TMEM132D: variants seen among roughly 807,000 people sequenced by gnomAD.
The protein encoded by TMEM132D is mature OL transmembrane protein.
TMEM132D carries 21 observed loss-of-function variants against 62.3 expected under a neutral mutation model. The observed-to-expected ratio is 0.34, with a 90% CI of 0.24 to 0.49. The LOEUF (loss-of-function observed/expected upper bound fraction) is 0.49, where lower values mean the gene tolerates loss of function less well. Among genes scored for constraint, TMEM132D ranks in the 20% least tolerant of loss-of-function variants. The pLI is 0.99. For missense variants in TMEM132D, 1,346 were observed against 1,402.8 expected (o/e 0.96, Z 0.65); for synonymous variants, 621 against 575.6 (o/e 1.08, Z -1.13).
At chr12:129,629,685 TACAA>T (rs892998509) in intron 2 of TMEM132D, among the ~76,000 whole-genome samples, 6 of 151,932 alleles carry the variant, frequency 3.9e-5, no homozygotes, top group African/African-American at 1.5e-4. Flanking sequence ...AAAAAAACTA[TACAA>T]ACAAACACCA....
intron 2 of TMEM132D, among the ~76,000 whole-genome samples, chr12:129,637,478 G>A (rs142528210): frequency 2.2e-3 from 332 of 152,168 alleles, no homozygotes; most frequent in Non-Finnish European, 3.6e-3. Context: ...ATCCCCCTTG[G>A]TCCTGTGTAG....
intron 3 of TMEM132D, among the ~76,000 whole-genome samples, chr12:129,388,074 T>C (rs1434696337): frequency 1.6e-5 from 2 of 122,086 alleles, no homozygotes; most frequent in South Asian, 2.8e-4. Flanking sequence ...AGTCCTAATA[T>C]AGACACTAAC....
chr12:129,277,694 T>A lies in TMEM132D; in HGVS notation c.1299+59940A>T, dbSNP rs957346359. 2.6e-5 allele frequency among the ~76,000 whole-genome samples: 4 copies of A among 152,292 alleles called. No homozygotes were observed. Among genetic ancestry groups the A allele is most frequent in the Admixed American group, 6.5e-5 (1 of 15,302 alleles). On this transcript the variant is annotated intron_variant, in intron 4 of 8. Coordinates refer to ENST00000422113, the MANE Select transcript of TMEM132D (RefSeq NM_133448.3). The surrounding 1 kb of genome is among the most constrained non-coding windows in gnomAD (Gnocchi z 4.2). ...AATTTTTTAAATTGCCCGTATTGTGTTTTTCTTATCAGAATCATATCATAT... is the reference window on the plus strand; with the variant it reads ...AATTTTTTAAATTGCCCGTATTGTGATTTTCTTATCAGAATCATATCATAT...
intron 3 of TMEM132D, among the ~76,000 whole-genome samples, chr12:129,408,462 A>G (rs1337351626): frequency 6.7e-6 from 1 of 149,672 alleles, no homozygotes; most frequent in East Asian, 1.9e-4. Flanking sequence ...TTATCATTTC[A>G]GAATAGGAAA....
At chr12:129,229,288 G>C (rs538092862) in intron 4 of TMEM132D, among the ~76,000 whole-genome samples, 63 of 152,318 alleles carry the variant, frequency 4.1e-4, no homozygotes, top group African/African-American at 1.3e-3. Flanking sequence ...CTGACAATAT[G>C]ATGCTGTTGA....
At chr12:129,819,394 C>T (rs1361487266) in intron 1 of TMEM132D, among the ~76,000 whole-genome samples, 3 of 152,168 alleles carry the variant, frequency 2.0e-5, no homozygotes, top group African/African-American at 7.2e-5. Flanking sequence ...ATACCATATA[C>T]GATTTACTTT....
intron 5 of TMEM132D, among the ~76,000 whole-genome samples, chr12:129,142,302 C>T (rs1184759919): frequency 6.6e-6 from 1 of 152,050 alleles, no homozygotes; most frequent in Non-Finnish European, 1.5e-5. Flanking sequence ...CTGAAAGCAA[C>T]CCTGATTCTC....
At chr12:129,524,106 A>G (rs1283410091) in intron 3 of TMEM132D, among the ~76,000 whole-genome samples, 4 of 152,092 alleles carry the variant, frequency 2.6e-5, no homozygotes, top group African/African-American at 7.2e-5. Context: ...GGGGAGGGAT[A>G]GCATTAGGAG....
chr12:129,371,918 C>A lies in TMEM132D; in HGVS notation c.1116-34101G>T, dbSNP rs145509140. Among the ~76,000 whole-genome samples, 1 of 152,240 alleles carries A rather than the reference C, an allele frequency of 6.6e-6. No individual in the cohort carries two copies. Among genetic ancestry groups the A allele is most frequent in the African/African-American group, 2.4e-5 (1 of 41,528 alleles). ...TGCTACAGCCCAGATCCTGAGATGC[C>A]AGCATTCTTGTTGTTGTGATAGTTA... On this transcript the variant is annotated intron_variant, in intron 3 of 8. Transcript: ENST00000422113. The surrounding 1 kb of genome is among the most constrained non-coding windows in gnomAD (Gnocchi z 4.3).
chr12:129,087,859 T>G (rs1181555781), intron 5 of TMEM132D, among the ~76,000 whole-genome samples: 13 of 145,652 alleles, frequency 8.9e-5, no homozygotes, highest in Admixed American at 2.7e-4. Context: ...AGCCCCGGGG[T>G]GTCCTCCATG....
At chr12:129,249,187 G>C (rs1280950283) in intron 4 of TMEM132D, among the ~76,000 whole-genome samples, 4 of 152,156 alleles carry the variant, frequency 2.6e-5, no homozygotes, top group Admixed American at 6.5e-5. Context: ...GGCCAGCGTA[G>C]ATGCTTTGTA....
chr12:129,377,210 T>G (rs1006413967), intron 3 of TMEM132D, among the ~76,000 whole-genome samples: 1 of 152,154 alleles, frequency 6.6e-6, no homozygotes, highest in East Asian at 1.9e-4. Flanking sequence ...GAAGGCAGCA[T>G]CTACAATCTT....
At chr12:129,459,343 G>C (rs1047054063) in intron 3 of TMEM132D, among the ~76,000 whole-genome samples, 2 of 152,168 alleles carry the variant, frequency 1.3e-5, no homozygotes, top group African/African-American at 4.8e-5. Context: ...ACTTAACAAT[G>C]AGTCATGCAA....
chr12:129,266,870 G>A (rs1331071835), intron 4 of TMEM132D, among the ~76,000 whole-genome samples: 1 of 152,084 alleles, frequency 6.6e-6, no homozygotes, highest in Non-Finnish European at 1.5e-5. Flanking sequence ...TCTCACCTGG[G>A]TAAGCAAATG....
chr12:129,748,694 G>T (rs916904549), intron 1 of TMEM132D, among the ~76,000 whole-genome samples: 2 of 152,212 alleles, frequency 1.3e-5, no homozygotes, highest in Admixed American at 6.5e-5. Context: ...GGCTCCCAGA[G>T]CAACAAAAAC....
chr12:129,137,352 C>T (rs921333731), intron 5 of TMEM132D, among the ~76,000 whole-genome samples: 1 of 152,182 alleles, frequency 6.6e-6, no homozygotes, highest in African/African-American at 2.4e-5. Context: ...TTCATAGTCA[C>T]TAACTCAATA....
chr12:129,083,458 C>T (rs1033239504), intron 6 of TMEM132D, among the ~76,000 whole-genome samples: 2 of 152,178 alleles, frequency 1.3e-5, no homozygotes, highest in Non-Finnish European at 2.9e-5. Context: ...TTTTTTCCCT[C>T]CGCAGCGCCA....
At chr12:129,403,368 G>A (rs904078762) in intron 3 of TMEM132D, among the ~76,000 whole-genome samples, 5 of 150,820 alleles carry the variant, frequency 3.3e-5, no homozygotes, top group African/African-American at 7.3e-5. Flanking sequence ...CACATAACTC[G>A]CTGGAAGAAG....
chr12:129,772,096 G>C (rs1366368635), intron 1 of TMEM132D, among the ~76,000 whole-genome samples: 3 of 151,960 alleles, frequency 2.0e-5, no homozygotes, highest in Non-Finnish European at 2.9e-5. Flanking sequence ...TCACACAGTG[G>C]AAGAAGCCTT....
Sources: allele counts gnomAD v4.1 joint callset (sites outside exome capture counted in the v4.1 genomes callset), GRCh38; gene constraint gnomAD v4.1.1; non-coding constraint Gnocchi (gnomAD v3.1); transcripts MANE v1.5; gene names NCBI Gene and HGNC (gene_info 2026-07-23, HGNC 2026-07-21).